FAT3: variants seen among roughly 807,000 people sequenced by gnomAD.
FAT3 encodes the protein FAT atypical cadherin 3.
In FAT3, 95 loss-of-function variants were observed where a neutral mutation model predicts 310.2. The observed-to-expected ratio is 0.31, with a 90% CI of 0.26 to 0.36. FAT3 has a LOEUF of 0.36. FAT3 is among the 10% of genes least tolerant of loss of function. The pLI is 1.00. For missense variants in FAT3, 5,408 were observed against 5,715.6 expected (o/e 0.95, Z 1.74); for synonymous variants, 2,314 against 2,192.9 (o/e 1.06, Z -1.54).
chr11:92,353,725 C>T lies in FAT3; in HGVS notation c.1613C>T (p.Ser538Phe). The T allele has an allele frequency of 1.9e-6, 3 of 1,613,880 alleles. No individual in the cohort carries two copies. Among genetic ancestry groups the T allele is most frequent in the Non-Finnish European group, 2.5e-6 (3 of 1,179,872 alleles). The change falls in exon 2 of 28, where the codon TCC becomes TTC. Residue 538 changes from serine to phenylalanine, a missense_variant. By Grantham distance (155) the Ser-to-Phe change is radical. Coordinates refer to ENST00000525166, the MANE Select transcript of FAT3 (RefSeq NM_001367949.2). ...ACAACTGAAGAACTGGATTTTGAAT[C>T]CTCCCCAGAAATTTACAGATTCATT... ...ISTTEELDFE[S>F]SPEIYRFIVR...
At chr11:92,615,088 T>G (rs1940737966) in intron 3 of FAT3, among the ~76,000 whole-genome samples, 1 of 152,208 alleles carries the variant, frequency 6.6e-6, no homozygotes, top group African/African-American at 2.4e-5. Flanking sequence ...TAGTACAAAA[T>G]TGTTTGGATT....
chr11:92,358,890 T>A (rs796272444), intron 2 of FAT3, among the ~76,000 whole-genome samples: 54 of 152,354 alleles, frequency 3.5e-4, no homozygotes, highest in African/African-American at 1.3e-3. Context: ...GTCTAGACTC[T>A]GTTGTCTTTA....
intron 2 of FAT3, among the ~76,000 whole-genome samples, chr11:92,409,513 G>C (rs1950204843): frequency 6.6e-6 from 1 of 152,072 alleles, no homozygotes; most frequent in Non-Finnish European, 1.5e-5. Flanking sequence ...CCTCAGCTCA[G>C]CAAATGCATA....
intron 3 of FAT3, among the ~76,000 whole-genome samples, chr11:92,567,926 G>T (rs1160840490): frequency 2.0e-5 from 3 of 151,872 alleles, no homozygotes; most frequent in Non-Finnish European, 4.4e-5. Flanking sequence ...AGCATTGGGA[G>T]ATACACCTAA....
chr11:92,669,529 C>T (rs540974479), intron 3 of FAT3, among the ~76,000 whole-genome samples: 1 of 152,314 alleles, frequency 6.6e-6, no homozygotes, highest in Admixed American at 6.5e-5. Context: ...CAGATCTGGT[C>T]TGTCCTACCC....
At chr11:92,283,521 G>A (rs989541964) in intron 1 of FAT3, among the ~76,000 whole-genome samples, 1 of 152,162 alleles carries the variant, frequency 6.6e-6, no homozygotes, top group Non-Finnish European at 1.5e-5. Context: ...TGAGCTAGCA[G>A]CTCAGTGAAT....
intron 2 of FAT3, among the ~76,000 whole-genome samples, chr11:92,490,203 C>A (rs1489201277): frequency 6.6e-6 from 1 of 152,110 alleles, no homozygotes; most frequent in Non-Finnish European, 1.5e-5. Flanking sequence ...TTATATGCAG[C>A]TAATGATGAT....
intron 4 of FAT3, among the ~76,000 whole-genome samples, chr11:92,720,777 A>G (rs976024884): frequency 6.6e-6 from 1 of 152,140 alleles, no homozygotes; most frequent in African/African-American, 2.4e-5. Context: ...GCTTGTTTTC[A>G]TTTTTAAAAA....
chr11:92,837,135 A>C (rs1948428246), intron 16 of FAT3, among the ~76,000 whole-genome samples: 1 of 152,190 alleles, frequency 6.6e-6, no homozygotes, highest in South Asian at 2.1e-4. Flanking sequence ...GTTTCTAAAC[A>C]TTGTCTTTCT....
At chr11:92,257,123 A>G (rs1865350773) in intron 1 of FAT3, among the ~76,000 whole-genome samples, 1 of 152,144 alleles carries the variant, frequency 6.6e-6, no homozygotes, top group Non-Finnish European at 1.5e-5. Context: ...ACTTCTTTTA[A>G]GAATGACAGA....
chr11:92,589,518 CTG>C (rs1226318443), intron 3 of FAT3, among the ~76,000 whole-genome samples: 1 of 152,104 alleles, frequency 6.6e-6, no homozygotes, highest in Non-Finnish European at 1.5e-5. Context: ...CAAGTCCTGA[CTG>C]TATGTAAATA....
chr11:92,606,125 T>C (rs930119268), intron 3 of FAT3, among the ~76,000 whole-genome samples: 3 of 152,194 alleles, frequency 2.0e-5, no homozygotes, highest in Non-Finnish European at 2.9e-5. Flanking sequence ...CCTCCTGATT[T>C]ATATTATACT....
intron 7 of FAT3, among the ~76,000 whole-genome samples, chr11:92,783,898 A>G (rs1377413581): frequency 1.1e-4 from 16 of 152,242 alleles, no homozygotes; most frequent in Non-Finnish European, 1.2e-4. Context: ...GGATCTTTAT[A>G]TTTAAAATAA....
chr11:92,300,446 T>C (rs1426446983), intron 1 of FAT3, among the ~76,000 whole-genome samples: 4 of 152,158 alleles, frequency 2.6e-5, no homozygotes, highest in Non-Finnish European at 5.9e-5. Flanking sequence ...AAGTAGGTGC[T>C]CACTGAAACT....
intron 6 of FAT3, chr11:92,766,858 C>G (rs566782096): frequency 2.8e-4 from 43 of 152,308 alleles, no homozygotes; most frequent in African/African-American, 1.0e-3. Context: ...TGTACAGTCA[C>G]CTTTAATGAT....
Position 92,800,347 on chromosome 11 carries a change from A to G in FAT3, c.7334A>G (p.Asp2445Gly). The G allele has an allele frequency of 6.2e-7, 1 of 1,613,986 alleles. No individual in the cohort carries two copies. Among genetic ancestry groups the G allele is most frequent in the Non-Finnish European group, 8.5e-7 (1 of 1,179,872 alleles). The change falls in exon 10 of 28, where the codon GAC (aspartate) becomes GGC (glycine). Residue 2445 changes from aspartate to glycine, a missense_variant. Asp to Gly is a moderately conservative substitution (Grantham distance 94). Coordinates refer to ENST00000525166, the MANE Select transcript of FAT3 (RefSeq NM_001367949.2). ...AATGACCGGACGAGCTTTCTGATGG[A>G]CAGCAAGAGTGGAGTTATCACATTG... Reference protein sequence around the residue: ...SGNDRTSFLMDSKSGVITLSN... With the variant: ...SGNDRTSFLMGSKSGVITLSN...
At chr11:92,584,359 A>G (rs1939015732) in intron 3 of FAT3, among the ~76,000 whole-genome samples, 1 of 152,050 alleles carries the variant, frequency 6.6e-6, no homozygotes, top group African/African-American at 2.4e-5. Flanking sequence ...TTAAAAAATG[A>G]TTTATCCCTA....
intron 1 of FAT3, among the ~76,000 whole-genome samples, chr11:92,237,007 A>G (rs576858059): frequency 3.0e-4 from 44 of 148,112 alleles, no homozygotes; most frequent in Non-Finnish European, 2.7e-4. Flanking sequence ...CTATTAACTC[A>G]TGAGGCCTGC....
At chr11:92,552,529 C>A (rs1378608256) in intron 3 of FAT3, among the ~76,000 whole-genome samples, 2 of 152,016 alleles carry the variant, frequency 1.3e-5, no homozygotes, top group Non-Finnish European at 2.9e-5. Context: ...AGGGAATGTA[C>A]TTTATTCATT....
Sources: gnomAD v4.1 joint callset for allele counts (sites outside exome capture counted in the v4.1 genomes callset) on GRCh38, gnomAD v4.1.1 for gene constraint, MANE v1.5 for transcripts, NCBI Gene and HGNC (gene_info 2026-07-23, HGNC 2026-07-21) for gene names.